DOK5: variants seen among roughly 807,000 people sequenced by gnomAD.
The protein encoded by DOK5 is docking protein 5.
A neutral mutation model predicts 43.3 loss-of-function variants in DOK5; 27 were observed. That is an observed-to-expected ratio of 0.62 (90% CI 0.46 to 0.86). DOK5 has a LOEUF of 0.86. Ranked by LOEUF, DOK5 falls within the 40% of genes least tolerant of loss-of-function variation. The probability of loss-of-function intolerance (pLI) is 0.00; values close to 1 mark genes in which losing one functional copy is unlikely to be tolerated. For missense variants in DOK5, 373 were observed against 392.9 expected (o/e 0.95, Z 0.43); for synonymous variants, 146 against 140.1 (o/e 1.04, Z -0.30).
At chr20:54,611,111 G>A (rs1452791088) in intron 6 of DOK5, among the ~76,000 whole-genome samples, 2 of 152,130 alleles carry the variant, frequency 1.3e-5, no homozygotes, top group Non-Finnish European at 2.9e-5. Flanking sequence ...ACCTGTCTGC[G>A]GGTGAACTGC....
intron 5 of DOK5, among the ~76,000 whole-genome samples, chr20:54,595,220 G>A (rs747326304): frequency 2.0e-5 from 3 of 152,032 alleles, no homozygotes; most frequent in Non-Finnish European, 4.4e-5. Context: ...GGGCACCTGT[G>A]GTCCCAGCTA....
At chr20:54,581,927 T>G (rs1455641503) in intron 2 of DOK5, among the ~76,000 whole-genome samples, 2 of 151,992 alleles carry the variant, frequency 1.3e-5, no homozygotes, top group Non-Finnish European at 2.9e-5. Context: ...TCTATTACCT[T>G]GTTGAATAAA....
intron 6 of DOK5, among the ~76,000 whole-genome samples, chr20:54,642,934 C>T (rs530103085): frequency 3.5e-4 from 53 of 152,284 alleles, no homozygotes; most frequent in African/African-American, 1.2e-3. Context: ...CCAAGATAGG[C>T]TCCAGTCCCA....
chr20:54,491,055 A>T (rs1982153748), intron 1 of DOK5, among the ~76,000 whole-genome samples: 1 of 152,282 alleles, frequency 6.6e-6, no homozygotes, highest in East Asian at 1.9e-4. Flanking sequence ...CTGCCCAGGG[A>T]ACTGTTTGAC....
chr20:54,581,750 T>A (rs1165259509), intron 2 of DOK5, among the ~76,000 whole-genome samples: 1 of 152,036 alleles, frequency 6.6e-6, no homozygotes, highest in Non-Finnish European at 1.5e-5. Flanking sequence ...CGTGCCATTT[T>A]ACTGAATTTG....
At chr20:54,566,576 C>T (rs1405107836) in intron 2 of DOK5, among the ~76,000 whole-genome samples, 1 of 152,198 alleles carries the variant, frequency 6.6e-6, no homozygotes, top group Non-Finnish European at 1.5e-5. Context: ...TCTGCATTCT[C>T]ACCAGCATTT....
rs996794840 is a variant in DOK5, at chr20:54,533,774, A to C, written c.67-21159A>C. ...ATATTAAATTTGTGATATAATAAACAATATTTTTATTTCTGATTTTGTTTA... is the reference window on the plus strand; with the variant it reads ...ATATTAAATTTGTGATATAATAAACCATATTTTTATTTCTGATTTTGTTTA... On this transcript the variant is annotated intron_variant, in intron 1 of 7. Coordinates refer to ENST00000262593, the MANE Select transcript of DOK5 (RefSeq NM_018431.5). 4.6e-5 allele frequency among the ~76,000 whole-genome samples: 7 copies of C among 152,296 alleles called. 1 individual carries two copies.
intron 1 of DOK5, among the ~76,000 whole-genome samples, chr20:54,487,810 C>G (rs1212486972): frequency 6.6e-6 from 1 of 152,018 alleles, no homozygotes; most frequent in Non-Finnish European, 1.5e-5. Flanking sequence ...TTGGTTTTGC[C>G]CAAGCCCTTA....
chr20:54,515,498 G>A (rs1600674152), intron 1 of DOK5, among the ~76,000 whole-genome samples: 1 of 152,178 alleles, frequency 6.6e-6, no homozygotes, highest in South Asian at 2.1e-4. Context: ...GTTTTGTGAG[G>A]ACATGGAGAT....
intron 1 of DOK5, among the ~76,000 whole-genome samples, chr20:54,505,359 T>C (rs1196534831): frequency 3.3e-5 from 5 of 152,116 alleles, no homozygotes; most frequent in African/African-American, 1.2e-4. Flanking sequence ...TGAGCAGTTG[T>C]GGCAGAGACC....
chr20:54,535,527 A>AT (rs11481797), intron 1 of DOK5, among the ~76,000 whole-genome samples: 19,257 of 147,318 alleles, frequency 0.13, 1,572 homozygotes, highest in African/African-American at 0.24. Flanking sequence ...CTAATTTGGG[A>AT]TTTTTTTTTT....
chr20:54,610,690 G>A lies in DOK5; in HGVS notation c.735+167G>A, dbSNP rs539177529. ...ATGGCATTCCAGAATGCCTGATGTG[G>A]GCCGTTGGTAATACCTTGGCCATAC... is the stretch of plus-strand genomic sequence containing the variant. On this transcript the variant is annotated intron_variant, in intron 6 of 7. Transcript: ENST00000262593. 7.2e-5 allele frequency among the ~76,000 whole-genome samples: 11 copies of A among 152,270 alleles called. No homozygotes were observed. In the South Asian group the frequency reaches 1.7e-3, roughly 23 times the overall value.
At chr20:54,539,446 T>C (rs1047534542) in intron 1 of DOK5, among the ~76,000 whole-genome samples, 6 of 152,152 alleles carry the variant, frequency 3.9e-5, no homozygotes, top group Non-Finnish European at 8.8e-5. Flanking sequence ...CCTGACTGTA[T>C]TATACTATAG....
chr20:54,649,846 T>C (rs1979615643), intron 7 of DOK5, among the ~76,000 whole-genome samples: 1 of 152,228 alleles, frequency 6.6e-6, no homozygotes, highest in African/African-American at 2.4e-5. Flanking sequence ...CTGCAAAACC[T>C]AAAATATTTA....
intron 2 of DOK5, among the ~76,000 whole-genome samples, chr20:54,576,078 T>G (rs1985444244): frequency 6.6e-6 from 1 of 151,956 alleles, no homozygotes. Flanking sequence ...AAATGAAGCA[T>G]GAAAAGAATT....
At chr20:54,484,514 A>G (rs1407286398) in intron 1 of DOK5, among the ~76,000 whole-genome samples, 1 of 152,234 alleles carries the variant, frequency 6.6e-6, no homozygotes, top group African/African-American at 2.4e-5. Context: ...TTTCCCCCCA[A>G]TGGTAACATC....
At chr20:54,621,603 C>T (rs978875839) in intron 6 of DOK5, among the ~76,000 whole-genome samples, 2 of 151,904 alleles carry the variant, frequency 1.3e-5, no homozygotes, top group African/African-American at 2.4e-5. Flanking sequence ...GCAGGAGAAT[C>T]GCTTGAACCC....
intron 5 of DOK5, among the ~76,000 whole-genome samples, chr20:54,597,353 C>T (rs542251157): frequency 6.6e-6 from 1 of 152,218 alleles, no homozygotes; most frequent in East Asian, 1.9e-4. Context: ...GCCAGAGATG[C>T]TGCTACAGGC....
intron 2 of DOK5, among the ~76,000 whole-genome samples, chr20:54,560,618 G>C (rs1984867769): frequency 6.6e-6 from 1 of 152,026 alleles, no homozygotes; most frequent in South Asian, 2.1e-4. Context: ...CCCAAGCTTG[G>C]TTTCTTTCTT....
Sources: gnomAD v4.1 joint callset for allele counts (sites outside exome capture counted in the v4.1 genomes callset) on GRCh38, gnomAD v4.1.1 for gene constraint, MANE v1.5 for transcripts, NCBI Gene and HGNC (gene_info 2026-07-23, HGNC 2026-07-21) for gene names.